CCDC142: variants seen among roughly 807,000 people sequenced by gnomAD.
CCDC142 encodes the protein coiled-coil domain containing 142, also known as coiled-coil domain-containing protein 142.
In CCDC142, 67 loss-of-function variants were observed where a neutral mutation model predicts 83.8. The observed-to-expected ratio is 0.80, with a 90% CI of 0.66 to 0.98. CCDC142 has a LOEUF of 0.98. Ranked by LOEUF, CCDC142 falls within the 50% of genes least tolerant of loss-of-function variation. The pLI is 0.00. For missense variants in CCDC142, 905 were observed against 946.8 expected, an observed-to-expected ratio of 0.96 and a Z score of 0.58; for synonymous variants, 421 against 421.2, an observed-to-expected ratio of 1.00 and a Z score of 0.01.
chr2:74,475,659 T>G lies in CCDC142; in HGVS notation c.1571A>C (p.Lys524Thr). The change falls in exon 6 of 9, where the codon AAG becomes ACG. Residue 524 changes from lysine to threonine, a missense_variant. By Grantham distance (78) the Lys-to-Thr change is moderately conservative. Coordinates refer to ENST00000393965, the MANE Select transcript of CCDC142 (RefSeq NM_001365575.2). ...GTACCGACCCCGTGGCATGTAGAGC[T>G]TGAAACCTTGCATGGCTTGTTTATG... ...ECHKQAMQGF[K>T]LYMPRGRYWR... The G allele has an allele frequency of 6.2e-7, 1 of 1,614,134 alleles. No homozygotes were observed. Among genetic ancestry groups the G allele is most frequent in the Non-Finnish European group, 8.5e-7 (1 of 1,180,024 alleles).
In CCDC142 at chr2:74,474,730, G is replaced by A. The variant is rs1459390108; in HGVS notation, c.2069C>T (p.Pro690Leu). Reference protein sequence around the residue: ...CLNSLESLEPPLQPGTSPAQT... With the variant: ...CLNSLESLEPLLQPGTSPAQT... Reference sequence around the variant, plus strand: ...GGCTGGAGATGTTCCAGGCTGGAGCGGGGGCTCCAAGCTCTCCAGGCTATT... The same window carrying A: ...GGCTGGAGATGTTCCAGGCTGGAGCAGGGGCTCCAAGCTCTCCAGGCTATT... The change falls in exon 9 of 9, where the codon CCG becomes CTG. Residue 690 changes from proline to leucine, a missense_variant. Physicochemically the swap from Pro to Leu is moderately conservative, Grantham distance 98. Coordinates refer to ENST00000393965, the MANE Select transcript of CCDC142 (RefSeq NM_001365575.2). 21 of 1,614,074 alleles carry A rather than the reference G, an allele frequency of 1.3e-5. No individual in the cohort carries two copies. Among genetic ancestry groups the A allele is most frequent in the South Asian group, 3.3e-5 (3 of 91,074 alleles).
At position 74,482,859 on chromosome 2, in the gene CCDC142, A is replaced by C; in HGVS notation, c.-22T>G. On this transcript the variant is annotated 5_prime_UTR_variant, in exon 1 of 9. Coordinates refer to ENST00000393965, the MANE Select transcript of CCDC142 (RefSeq NM_001365575.2). This position sits in a 1 kb window ranked among gnomAD's most constrained non-coding sequence, Gnocchi z 5.0. ...CCATGGGGCGGCGGGTCCAGAACGA[A>C]CCTAACGATTCCCACTTCCCTGCAC... 1 of 1,589,020 alleles carries C rather than the reference A, an allele frequency of 6.3e-7. No homozygotes were observed. The highest frequency in any genetic ancestry group is 8.5e-7 in the Non-Finnish European group (1 of 1,174,030).
chr2:74,474,081 ATTT>A lies in CCDC142; in HGVS notation c.*462_*464del, dbSNP rs36104438. 10 of 97,408 alleles carry A rather than the reference ATTT, an allele frequency of 1.0e-4. No homozygotes were observed. The highest frequency in any genetic ancestry group is 1.0e-4 in the Non-Finnish European group (5 of 48,284). The allele number at this position is 97,408 out of a possible 1,614,324, so 6.0% of individuals were successfully genotyped here. On this transcript the variant is annotated 3_prime_UTR_variant, in exon 9 of 9. Transcript: ENST00000393965. ...GCCACCATGCCCTGCCTAATCTTGG[ATTT>A]TTTTTTTTTTTTTTTTTGAGACAGA...
chr2:74,482,653 T>A lies in CCDC142; in HGVS notation c.185A>T (p.Asp62Val). Residue 62 changes from aspartate to valine, a missense_variant, in exon 1 of 9, where the codon GAT (aspartate) becomes GTT (valine). Asp to Val is a radical substitution (Grantham distance 152). This residue lies in a region of CCDC142 where 591 missense variants were observed against 571.4 expected (regional missense o/e 1.03). Coordinates refer to ENST00000393965, the MANE Select transcript of CCDC142 (RefSeq NM_001365575.2). This position sits in a 1 kb window ranked among gnomAD's most constrained non-coding sequence, Gnocchi z 5.0. ...GGTPWWPTPA[D>V]VSEDYEADAA... Reference sequence around the variant, plus strand: ...ATCAGCCTCGTAGTCCTCGCTCACATCCGCCGGCGTCGGCCACCACGGCGT... The same window carrying A: ...ATCAGCCTCGTAGTCCTCGCTCACAACCGCCGGCGTCGGCCACCACGGCGT... The A allele has an allele frequency of 6.2e-7, 1 of 1,611,600 alleles. No individual in the cohort carries two copies. Among genetic ancestry groups the A allele is most frequent in the Non-Finnish European group, 8.5e-7 (1 of 1,179,928 alleles).
In CCDC142 at chr2:74,482,971, C is replaced by T. The variant is rs553871308; in HGVS notation, c.-134G>A. 40 of 1,564,620 alleles carry T rather than the reference C, an allele frequency of 2.6e-5. No homozygotes were observed. Among genetic ancestry groups the T allele is most frequent in the Middle Eastern group, 3.4e-4 (2 of 5,948 alleles). On this transcript the variant is annotated 5_prime_UTR_variant, in exon 1 of 9. Transcript: ENST00000393965. The surrounding 1 kb of genome is among the most constrained non-coding windows in gnomAD (Gnocchi z 5.0). ...GGAGTCGCGGGGACCTTCATGGACT[C>T]TCTCGTGCTCCGTAATGGGAGGCTT...
intron 5 of CCDC142, among the ~76,000 whole-genome samples, chr2:74,479,741 A>G (rs1411684250): frequency 6.6e-6 from 1 of 152,104 alleles, no homozygotes; most frequent in African/African-American, 2.4e-5. Context: ...GTACAGGCGC[A>G]TGCCACCATG....
chr2:74,472,905 C>G lies in CCDC142; in HGVS notation c.*1641G>C. On this transcript the variant is annotated 3_prime_UTR_variant, in exon 9 of 9. Transcript: ENST00000393965. ...TACAGCCTATCATGAATAGTCCTCT[C>G]ATACGACGGTGAAAACCATAAATAA... 1.8e-6 allele frequency: 1 copy of G among 568,860 alleles called. No individual in the cohort carries two copies. Among genetic ancestry groups the G allele is most frequent in the Non-Finnish European group, 3.1e-6 (1 of 318,672 alleles). The allele number at this position is 568,860 out of a possible 1,614,324, so 35.2% of individuals were successfully genotyped here. A position where few individuals can be genotyped will look rare whatever the true frequency, so the allele number is the denominator to read the frequency against.
Position 74,482,069 on chromosome 2 carries a change from C to G in CCDC142, c.769G>C (p.Gly257Arg), listed in dbSNP as rs749980258. ...VASRLDEALQ[G>R]SALRDQLRRR... is the part of the protein sequence containing the mutation. Reference sequence around the variant, plus strand: ...CGGAGCTGGTCCCTCAACGCCGATCCTTGGAGCGCCTCGTCCAGCCGACTT... The same window carrying G: ...CGGAGCTGGTCCCTCAACGCCGATCGTTGGAGCGCCTCGTCCAGCCGACTT... The change falls in exon 1 of 9, where the codon GGA (glycine) becomes CGA (arginine). Residue 257 changes from glycine to arginine, a missense_variant. Gly to Arg is a moderately radical substitution (Grantham distance 125). Around this residue, in one of 3 missense-constraint regions of CCDC142, gnomAD observed 591 missense variants for 571.4 expected, o/e 1.03. Transcript: ENST00000393965. The surrounding 1 kb of genome is among the most constrained non-coding windows in gnomAD (Gnocchi z 5.0). 3 of 1,613,446 alleles carry G rather than the reference C, an allele frequency of 1.9e-6. No individual in the cohort carries two copies. Among genetic ancestry groups the G allele is most frequent in the South Asian group, 2.2e-5 (2 of 91,082 alleles).
At chr2:74,481,571 C>T (rs1229287477) in intron 1 of CCDC142, 33 bp from the exon 2 acceptor site, 2 of 1,598,836 alleles carry the variant, frequency 1.3e-6, no homozygotes, top group African/African-American at 1.3e-5. Flanking sequence ...GGCCTGAAAA[C>T]AAGGTCTCAC....
intron 5 of CCDC142, among the ~76,000 whole-genome samples, chr2:74,480,125 T>C (rs566447290): frequency 3.9e-5 from 6 of 152,272 alleles, no homozygotes; most frequent in South Asian, 2.1e-4. Flanking sequence ...GAGGCAATGA[T>C]CCACTGTTGC....
At chr2:74,481,649 G>A (rs1205078752) in intron 1 of CCDC142, 111 bp from the exon 2 acceptor site, 1 of 1,369,974 alleles carries the variant, frequency 7.3e-7, no homozygotes, top group Non-Finnish European at 1.0e-6. Context: ...TCGGGACTGG[G>A]GTGGAAAGCA....
Position 74,482,547 on chromosome 2 carries a change from C to A in CCDC142, c.291G>T (p.Arg97=), listed in dbSNP as rs1484650862. The A allele has an allele frequency of 1.3e-6, 2 of 1,597,612 alleles. No homozygotes were observed. Among genetic ancestry groups the A allele is most frequent in the East Asian group, 4.6e-5 (2 of 43,956 alleles). Residue 97 remains arginine (R), a synonymous_variant, in exon 1 of 9, where the codon CGG becomes CGT. Transcript: ENST00000393965. This position sits in a 1 kb window ranked among gnomAD's most constrained non-coding sequence, Gnocchi z 5.0. ...GGAGCTGCTCCCGCTCGCGATGCAG[C>A]CGCAGCAACACCGCCCGGAGACGCT... The part of the protein sequence containing the change: ...ALQRLRAVLL[R]LHREREQLLQ...
rs1416829427 is a variant in CCDC142 at position 74,473,481 on chromosome 2, C to A, written c.*1065G>T. ...GACTACAGGCGCGTGCCACCACGCC[C>A]GGCTAATTTTTTGTATTTTTAGTAG... On this transcript the variant is annotated 3_prime_UTR_variant, in exon 9 of 9. Coordinates refer to ENST00000393965, the MANE Select transcript of CCDC142 (RefSeq NM_001365575.2). Among the ~76,000 whole-genome samples the A allele has an allele frequency of 6.6e-6, 1 of 151,530 alleles. No homozygotes were observed. The highest frequency in any genetic ancestry group is 1.5e-5 in the Non-Finnish European group (1 of 67,854).
At position 74,475,266 on chromosome 2, in the gene CCDC142, AC is replaced by A; in HGVS notation, c.1754del (p.Gly585ValfsTer123). 6.2e-7 allele frequency: 1 copy of A among 1,614,172 alleles called. No individual in the cohort carries two copies. The highest frequency in any genetic ancestry group is 1.1e-5 in the South Asian group (1 of 91,084). ...ALGQALTAIV[G>X]AWLDHILTHG... Reference sequence around the variant, plus strand: ...GGGTAAGAATGTGGTCAAGCCAGGCACCCACGATGGCCGTCAGAGCCTGACC... The same window carrying A: ...GGGTAAGAATGTGGTCAAGCCAGGCACCACGATGGCCGTCAGAGCCTGACC... On this transcript the variant is annotated frameshift_variant, in exon 7 of 9. Transcript: ENST00000393965. LOFTEE classifies it high-confidence loss of function.
chr2:74,475,838 G>A, intron 5 of CCDC142, 112 bp from the exon 6 acceptor site: 1 of 690,208 alleles, frequency 1.4e-6, no homozygotes, highest in Admixed American at 2.7e-5. Context: ...TTGTTGCATA[G>A]TTGTGTATGC....
At chr2:74,481,573 A>G (rs1338788839) in intron 1 of CCDC142, 35 bp from the exon 2 acceptor site, 2 of 1,597,700 alleles carry the variant, frequency 1.3e-6, no homozygotes, top group Non-Finnish European at 1.7e-6. Context: ...CCTGAAAACA[A>G]GGTCTCACTT....
rs771062720 is a variant in CCDC142 at position 74,482,161 on chromosome 2, G to C, written c.677C>G (p.Ala226Gly). Residue 226 changes from alanine (A) to glycine (G), a missense_variant, in exon 1 of 9, where the codon GCC becomes GGC. Physicochemically the swap from Ala to Gly is moderately conservative, Grantham distance 60. Transcript: ENST00000393965. The surrounding 1 kb of genome is among the most constrained non-coding windows in gnomAD (Gnocchi z 5.0). ...ACGGGACGTGGGGAAAGGACGTGCG[G>C]CCCCTGGGACGTGGCTCAAGGCTTT... ...QRKALSHVPG[A>G]ARPFPTSRVL... 7 of 1,613,624 alleles carry C rather than the reference G, an allele frequency of 4.3e-6. No homozygotes were observed. The African/African-American group carries it at 9.3e-5, about 22-fold the overall frequency.
At position 74,474,399 on chromosome 2, in the gene CCDC142, A is replaced by G; in HGVS notation, c.*147T>C. 1 of 1,107,300 alleles carries G rather than the reference A, an allele frequency of 9.0e-7. No homozygotes were observed. Among genetic ancestry groups the G allele is most frequent in the Non-Finnish European group, 1.2e-6 (1 of 805,552 alleles). 68.6% of individuals were successfully genotyped at this position (1,107,300 alleles called of 1,614,324 possible). On this transcript the variant is annotated 3_prime_UTR_variant, in exon 9 of 9. Transcript: ENST00000393965. ...GCCCAGCCCCTAATCTTGGATTCTT[A>G]AGCCCAGGCTCTTTGTAGCTTATTC...
chr2:74,482,108 C>A lies in CCDC142; in HGVS notation c.730G>T (p.Gly244Cys), dbSNP rs139066729. 1 of 1,613,628 alleles carries A rather than the reference C, an allele frequency of 6.2e-7. No homozygotes were observed. Among genetic ancestry groups the A allele is most frequent in the Non-Finnish European group, 8.5e-7 (1 of 1,179,952 alleles). ...TCCAGCCGACTTGCCACCTGGCAAC[C>A]CCGCTCCCCCGTCAAGAGGCGGAGC... The part of the protein sequence containing the change: ...RVLRLLTGER[G>C]CQVASRLDEA... The change falls in exon 1 of 9, where the codon GGT (glycine) becomes TGT (cysteine). Residue 244 changes from glycine (G) to cysteine (C), a missense_variant. Gly to Cys is a radical substitution (Grantham distance 159, BLOSUM62 -3). Transcript: ENST00000393965. The surrounding 1 kb of genome is among the most constrained non-coding windows in gnomAD (Gnocchi z 5.0).
Sources: allele counts gnomAD v4.1 joint callset (sites outside exome capture counted in the v4.1 genomes callset), GRCh38; gene constraint gnomAD v4.1.1; regional missense constraint gnomAD v4.1.1; non-coding constraint Gnocchi (gnomAD v3.1); transcripts MANE v1.5; gene names NCBI Gene and HGNC (gene_info 2026-07-23, HGNC 2026-07-21).